The following ARFRP1 variants were observed in gnomAD, a reference collection of about 807,000 sequenced individuals.
ARFRP1 encodes ARF related protein 1, also known as ADP-ribosylation factor-related protein 1.
ARFRP1 carries 19 observed loss-of-function variants against 30.3 expected under a neutral mutation model. The ratio of observed to expected loss-of-function variants is 0.63; its 90% CI spans 0.44 to 0.92. The LOEUF is 0.92. ARFRP1 is among the 40% of genes least tolerant of loss of function. The pLI is 0.00. For missense variants in ARFRP1, 245 were observed against 267.5 expected (o/e 0.92, Z 0.59); for synonymous variants, 133 against 114.2 (o/e 1.16, Z -1.05).
At position 63,700,443 on chromosome 20, in the gene ARFRP1, C is replaced by T; in HGVS notation, c.606G>A (p.Ter202=). 1 of 1,608,506 alleles carries T rather than the reference C, an allele frequency of 6.2e-7. No individual in the cohort carries two copies. Among genetic ancestry groups the T allele is most frequent in the Non-Finnish European group, 8.5e-7 (1 of 1,179,784 alleles). ...CGTCCCGACGGCAGCGCGGCTGCGC[C>T]TACGTGATGTCCCTCTGCCGCGGCG... ...HRPPRQRDIT[*] is the part of the protein sequence containing the mutation. The change falls in exon 8 of 8, where the codon TAG becomes TAA. Residue 202 remains the stop codon, a stop_retained_variant. Coordinates refer to ENST00000622789, the MANE Select transcript of ARFRP1 (RefSeq NM_001267547.3).
chr20:63,701,776 T>C, intron 6 of ARFRP1, 54 bp downstream of exon 6: 1 of 1,490,006 alleles, frequency 6.7e-7, no homozygotes, highest in African/African-American at 1.4e-5. Context: ...CCCCTTGCTG[T>C]GGGGGAGGCT....
intron 4 of ARFRP1, chr20:63,703,265 C>G (rs1488153968): frequency 6.6e-6 from 1 of 152,280 alleles, no homozygotes; most frequent in Non-Finnish European, 1.5e-5. Context: ...GCCCAACTCT[C>G]CGAAATCCTT....
chr20:63,707,771 A>T (rs963564804), intron 1 of ARFRP1, 96 bp downstream of exon 1: 4 of 152,158 alleles, frequency 2.6e-5, no homozygotes, highest in African/African-American at 9.7e-5. Flanking sequence ...GCTCCCCGAC[A>T]AGCAGCCAAA....
At chr20:63,706,834 A>T in intron 2 of ARFRP1, 96 bp from the exon 3 acceptor site, 1 of 1,299,432 alleles carries the variant, frequency 7.7e-7, no homozygotes, top group Non-Finnish European at 1.1e-6. Context: ...ACAGAAACAG[A>T]AACAGAGCAA....
At chr20:63,700,808 C>G in intron 6 of ARFRP1, 106 bp from the exon 7 acceptor site, 1 of 1,436,732 alleles carries the variant, frequency 7.0e-7, no homozygotes, top group Non-Finnish European at 9.4e-7. Flanking sequence ...AGGGAAACAG[C>G]CAGAGCTCCA....
At position 63,700,465 on chromosome 20, in the gene ARFRP1, G is replaced by A. The variant is rs767914137; in HGVS notation, c.584C>T (p.Pro195Leu). ...CGCCTACGTGATGTCCCTCTGCCGC[G>A]GCGGCCGGTGCACATTCCGCACGAC... ...KCVVRNVHRPPRQRDIT is the reference protein window; with the variant it reads ...KCVVRNVHRPLRQRDIT The change falls in exon 8 of 8, where the codon CCG becomes CTG. Residue 195 changes from proline (P) to leucine (L), a missense_variant. Coordinates refer to ENST00000622789, the MANE Select transcript of ARFRP1 (RefSeq NM_001267547.3). 19 of 1,609,456 alleles carry A rather than the reference G, an allele frequency of 1.2e-5. No individual in the cohort carries two copies. The highest frequency in any genetic ancestry group is 2.2e-4 in the Middle Eastern group (1 of 4,548).
Position 63,700,299 on chromosome 20 carries a change from A to C in ARFRP1, c.*144T>G. 8.1e-7 allele frequency: 1 copy of C among 1,231,820 alleles called. No homozygotes were observed. Among genetic ancestry groups the C allele is most frequent in the Non-Finnish European group, 1.1e-6 (1 of 894,834 alleles). The allele number at this position is 1,231,820 out of a possible 1,614,324, so 76.3% of individuals were successfully genotyped here. ...CCTACGCTTTTCCAGACATAGAGGA[A>C]AGTTTGTCTTCGAGAAAACAAAGTA... On this transcript the variant is annotated 3_prime_UTR_variant, in exon 8 of 8. Coordinates refer to ENST00000622789, the MANE Select transcript of ARFRP1 (RefSeq NM_001267547.3).
At chr20:63,701,998 G>GCACCCCCCCCCCCCCCC in intron 5 of ARFRP1, 98 bp from the exon 6 acceptor site, 2 of 583,916 alleles carry the variant, frequency 3.4e-6, no homozygotes, top group Non-Finnish European at 5.1e-6. Flanking sequence ...CACTCCCTCT[G>GCACCCCCCCCCCCCCCC]CCCCCCCCCC....
At position 63,700,642 on chromosome 20, in the gene ARFRP1, T is replaced by C. The variant is rs762341183; in HGVS notation, c.478A>G (p.Arg160Gly). 8.1e-6 allele frequency: 13 copies of C among 1,610,922 alleles called. No individual in the cohort carries two copies. Among genetic ancestry groups the C allele is most frequent in the Non-Finnish European group, 1.0e-5 (12 of 1,179,842 alleles). The change falls in exon 7 of 8, where the codon AGG becomes GGG. Residue 160 changes from arginine to glycine, a missense_variant. By Grantham distance (125) the Arg-to-Gly change is moderately radical. Transcript: ENST00000622789. Reference protein sequence around the residue: ...AFSDCTSKIGRRDCLTQACSA... With the variant: ...AFSDCTSKIGGRDCLTQACSA... ...CAGGCCTGGGTCAGGCAATCTCGCC[T>C]GCCGATCTTGCTGGTGCAGTCGCTG... is the stretch of plus-strand genomic sequence containing the variant.
intron 6 of ARFRP1, chr20:63,701,273 G>A (rs201960142): frequency 2.1e-6 from 1 of 468,152 alleles, no homozygotes; most frequent in African/African-American, 3.6e-5. Flanking sequence ...GAGAAGGCAG[G>A]AAGTGAAGAT....
chr20:63,701,492 A>T, intron 6 of ARFRP1: 8 of 488,230 alleles, frequency 1.6e-5, no homozygotes, highest in East Asian at 4.2e-5. Context: ...GGGCCCCAGC[A>T]TCACTTCTTT....
intron 6 of ARFRP1, 160 bp downstream of exon 6, chr20:63,701,670 G>A (rs1623866): frequency 0.24 from 162,161 of 682,936 alleles, 23,600 homozygotes; most frequent in East Asian, 0.62. Context: ...AGAGGAACCA[G>A]GCTTGGGAAG....
At chr20:63,707,270 G>C in intron 1 of ARFRP1, 173 bp from the exon 2 acceptor site, 1 of 610,390 alleles carries the variant, frequency 1.6e-6, no homozygotes, top group East Asian at 2.8e-5. Flanking sequence ...ACTTCTCCCA[G>C]GTCAGCCGCC....
Position 63,698,691 on chromosome 20 carries a change from G to A in ARFRP1, c.*1752C>T. The A allele has an allele frequency of 1.7e-6, 2 of 1,182,134 alleles. No individual in the cohort carries two copies. Among genetic ancestry groups the A allele is most frequent in the East Asian group, 3.2e-5 (1 of 31,462 alleles). The allele number at this position is 1,182,134 out of a possible 1,614,324, so 73.2% of individuals were successfully genotyped here. On this transcript the variant is annotated 3_prime_UTR_variant, in exon 8 of 8. Transcript: ENST00000622789. ...ATAAAGCTTTTTCATAAAACTGGTT[G>A]TAGTTGCACAGCTACTGGGAGGGCA...
intron 4 of ARFRP1, 122 bp downstream of exon 4, chr20:63,706,235 G>T: frequency 1.1e-6 from 1 of 926,098 alleles, no homozygotes; most frequent in Non-Finnish European, 1.7e-6. Flanking sequence ...GACAGGACCA[G>T]AGAGAAAACC....
chr20:63,707,605 G>T (rs535711122), intron 1 of ARFRP1: 16 of 153,372 alleles, frequency 1.0e-4, no homozygotes, highest in African/African-American at 1.7e-4. Flanking sequence ...GGACGGCCCT[G>T]GGGGGAGCGG....
chr20:63,702,456 G>T, intron 4 of ARFRP1: 1 of 548,082 alleles, frequency 1.8e-6, no homozygotes. Flanking sequence ...GGCCAAAGGT[G>T]AAAGACAGGG....
At chr20:63,700,762 C>A in intron 6 of ARFRP1, 60 bp from the exon 7 acceptor site, 1 of 1,581,542 alleles carries the variant, frequency 6.3e-7, no homozygotes, top group Non-Finnish European at 8.6e-7. Flanking sequence ...TGCCTGTGGG[C>A]CCGGGACTCT....
intron 4 of ARFRP1, chr20:63,706,100 C>T (rs2091448824): frequency 1.3e-5 from 6 of 445,920 alleles, no homozygotes; most frequent in South Asian, 1.0e-4. Context: ...GATTCTTTCC[C>T]TGGAATTCTC....
Sources: allele counts gnomAD v4.1 joint callset, GRCh38; gene constraint gnomAD v4.1.1; transcripts MANE v1.5; gene names NCBI Gene and HGNC (gene_info 2026-07-23, HGNC 2026-07-21).